ACYP2: variants seen among roughly 807,000 people sequenced by gnomAD.
The protein encoded by ACYP2 is acylphosphatase-2.
ACYP2 carries 12 observed loss-of-function variants against 11.2 expected under a neutral mutation model. The ratio of observed to expected loss-of-function variants is 1.08; its 90% confidence interval spans 0.69 to 1.74. The LOEUF is 1.74. Among genes scored for constraint, ACYP2 ranks in the 40% most tolerant of loss-of-function variants. ACYP2 has a pLI of 0.00. For missense variants in ACYP2, 134 were observed against 101.9 expected, an observed-to-expected ratio of 1.31 and a Z score of -1.35; for synonymous variants, 43 against 32.2, an observed-to-expected ratio of 1.33 and a Z score of -1.13.
intron 6 of ACYP2, among the ~76,000 whole-genome samples, chr2:54,230,829 CTTTTT>C (rs34359444): frequency 2.3e-5 from 3 of 129,412 alleles, no homozygotes; most frequent in African/African-American, 5.8e-5. Flanking sequence ...TCTTTCTTTT[CTTTTT>C]TTTTTTTTTT....
chr2:54,254,889 C>G (rs1370453482), intron 6 of ACYP2: 1 of 1,588,262 alleles, frequency 6.3e-7, no homozygotes, highest in Non-Finnish European at 8.5e-7. Context: ...GGCAGGCAAC[C>G]TTCTGCAGGA....
At chr2:54,030,910 T>C (rs1260416730) in intron 2 of ACYP2, among the ~76,000 whole-genome samples, 1 of 152,206 alleles carries the variant, frequency 6.6e-6, no homozygotes, top group Non-Finnish European at 1.5e-5. Flanking sequence ...AACTTCCTTT[T>C]CTTTTTCATT....
intron 6 of ACYP2, among the ~76,000 whole-genome samples, chr2:54,275,010 T>C (rs1688485703): frequency 1.3e-5 from 2 of 152,202 alleles, no homozygotes; most frequent in South Asian, 4.1e-4. Context: ...CTGAATTAAC[T>C]AGACCATGTT....
intron 4 of ACYP2, among the ~76,000 whole-genome samples, chr2:54,117,874 G>A (rs1235287101): frequency 6.6e-6 from 1 of 152,134 alleles, no homozygotes; most frequent in Non-Finnish European, 1.5e-5. Flanking sequence ...CATCACCCAA[G>A]CAGTTTACAC....
intron 4 of ACYP2, among the ~76,000 whole-genome samples, chr2:54,106,892 C>A (rs982345484): frequency 2.0e-5 from 3 of 152,088 alleles, no homozygotes; most frequent in Non-Finnish European, 4.4e-5. Flanking sequence ...CCAAATTTTG[C>A]TTTTCTTATA....
intron 6 of ACYP2, among the ~76,000 whole-genome samples, chr2:54,274,898 C>A (rs374234253): frequency 1.7e-4 from 26 of 152,314 alleles, no homozygotes; most frequent in African/African-American, 5.8e-4. Flanking sequence ...CAGTTTTGTG[C>A]TACCACATTA....
intron 6 of ACYP2, among the ~76,000 whole-genome samples, chr2:54,140,417 C>T (rs370444348): frequency 6.4e-4 from 97 of 152,198 alleles, no homozygotes; most frequent in African/African-American, 2.1e-3. Context: ...GTATCATACA[C>T]TGTGCTCATG....
intron 6 of ACYP2, chr2:54,143,213 T>G (rs981537649): frequency 6.6e-6 from 1 of 152,244 alleles, no homozygotes; most frequent in Admixed American, 6.5e-5. Flanking sequence ...GTTTCTGACT[T>G]TATTTAAAAT....
intron 6 of ACYP2, among the ~76,000 whole-genome samples, chr2:54,284,095 C>T (rs532050067): frequency 1.3e-5 from 2 of 152,304 alleles, no homozygotes; most frequent in South Asian, 4.2e-4. Flanking sequence ...TTAGTGACAA[C>T]TCTCTTTATA....
chr2:54,217,519 A>G (rs1685609228), intron 6 of ACYP2, among the ~76,000 whole-genome samples: 2 of 150,596 alleles, frequency 1.3e-5, no homozygotes, highest in Non-Finnish European at 3.0e-5. Flanking sequence ...GGTGCACACC[A>G]CTGTCCCTGG....
chr2:54,268,753 G>A (rs969692739), intron 6 of ACYP2, among the ~76,000 whole-genome samples: 2 of 152,012 alleles, frequency 1.3e-5, no homozygotes, highest in Non-Finnish European at 2.9e-5. Flanking sequence ...AGGCTGCAGT[G>A]AGCCGTGTTG....
At chr2:54,271,582 G>T (rs1164021408) in intron 6 of ACYP2, among the ~76,000 whole-genome samples, 1 of 151,832 alleles carries the variant, frequency 6.6e-6, no homozygotes, top group African/African-American at 2.4e-5. Context: ...ATCCCTCTGT[G>T]CACCAAATTA....
intron 6 of ACYP2, among the ~76,000 whole-genome samples, chr2:54,167,902 A>C (rs1683062392): frequency 6.6e-6 from 1 of 152,202 alleles, no homozygotes; most frequent in African/African-American, 2.4e-5. Flanking sequence ...AGTTCTAAAT[A>C]ATAAGCCAGT....
At chr2:54,201,601 TTTC>T (rs796941777) in intron 6 of ACYP2, among the ~76,000 whole-genome samples, 13,626 of 110,084 alleles carry the variant, frequency 0.12, 1,290 homozygotes, top group South Asian at 0.2. Flanking sequence ...TTTCTCTTTC[TTTC>T]TTTCTTTCTT....
chr2:54,279,822 C>T (rs996642686), intron 6 of ACYP2, among the ~76,000 whole-genome samples: 2 of 152,102 alleles, frequency 1.3e-5, no homozygotes, highest in Non-Finnish European at 2.9e-5. Context: ...TTGCCTTTCC[C>T]ACTAGAACAT....
At chr2:53,993,246 C>T (rs1354345710) in intron 2 of ACYP2, among the ~76,000 whole-genome samples, 6 of 151,892 alleles carry the variant, frequency 4.0e-5, no homozygotes, top group Admixed American at 3.9e-4. Flanking sequence ...GAGATGCTAG[C>T]CCATCTTTGG....
intron 4 of ACYP2, among the ~76,000 whole-genome samples, chr2:54,066,238 C>A (rs1247998144): frequency 2.0e-5 from 3 of 152,142 alleles, no homozygotes; most frequent in East Asian, 1.9e-4. Flanking sequence ...GGAGTTTTCA[C>A]GTGATCTGAT....
At chr2:54,224,655 T>C (rs1021987262) in intron 6 of ACYP2, among the ~76,000 whole-genome samples, 1 of 152,236 alleles carries the variant, frequency 6.6e-6, no homozygotes, top group African/African-American at 2.4e-5. Context: ...ATTTAACTTG[T>C]AGCTTGGCTT....
At chr2:54,237,254 G>C (rs1686525556) in intron 6 of ACYP2, among the ~76,000 whole-genome samples, 1 of 152,126 alleles carries the variant, frequency 6.6e-6, no homozygotes, top group Non-Finnish European at 1.5e-5. Context: ...TATAAATATA[G>C]CTTATATGCT....
Sources: gnomAD v4.1 joint callset for allele counts (sites outside exome capture counted in the v4.1 genomes callset) on GRCh38, gnomAD v4.1.1 for gene constraint, MANE v1.5 for transcripts, NCBI Gene and HGNC (gene_info 2026-07-23, HGNC 2026-07-21) for gene names.